Variants in SLC23A2 observed in about 807,000 individuals in gnomAD.
SLC23A2 encodes the protein Na(+)/L-ascorbic acid transporter 2.
In SLC23A2, 36 loss-of-function variants were observed where a neutral mutation model predicts 73.3. The observed-to-expected ratio is 0.49, with a 90% CI of 0.38 to 0.65. SLC23A2 has a LOEUF of 0.65. Ranked by LOEUF, SLC23A2 falls within the 30% of genes least tolerant of loss-of-function variation. The pLI is 0.00. For synonymous variants in SLC23A2, 343 were observed against 327.3 expected (o/e 1.05, Z -0.52); for missense variants, 507 against 841.6 (o/e 0.60, Z 4.92).
intron 1 of SLC23A2, among the ~76,000 whole-genome samples, chr20:5,006,949 G>A (rs2088198057): frequency 5.5e-5 from 1 of 18,270 alleles, no homozygotes; most frequent in Admixed American, 4.1e-4. Context: ...CTGAAATGAC[G>A]TGTGTGTGTG....
chr20:4,906,677 T>A (rs1931969009), intron 4 of SLC23A2, among the ~76,000 whole-genome samples: 1 of 152,078 alleles, frequency 6.6e-6, no homozygotes, highest in Non-Finnish European at 1.5e-5. Context: ...AAAGATCAAT[T>A]TCATTATTCT....
intron 2 of SLC23A2, among the ~76,000 whole-genome samples, chr20:4,962,912 G>A (rs551670102): frequency 2.0e-5 from 3 of 152,210 alleles, no homozygotes; most frequent in Admixed American, 6.5e-5. Context: ...CAGGAGAATC[G>A]CTTAGAACCA....
At position 4,999,556 on chromosome 20, in the gene SLC23A2, A is replaced by AT. The variant is rs11475838; in HGVS notation, c.-282+1849dup. Among the ~76,000 whole-genome samples, 461 of 143,704 alleles carry AT rather than the reference A, an allele frequency of 3.2e-3. 3 individuals are homozygous for AT. The highest frequency in any genetic ancestry group is 5.9e-3 in the African/African-American group (231 of 39,110). 94.3% of individuals were successfully genotyped at this position (143,704 alleles called of 152,430 possible). On this transcript the variant is annotated intron_variant, in intron 1 of 16. Transcript: ENST00000338244. ...TTTAAGCTGGCCGCCATACTCAGCT[A>AT]TTTTTTTTTTTTTTTTATAGAAACA...
chr20:4,909,549 A>C (rs997817186), intron 4 of SLC23A2, among the ~76,000 whole-genome samples: 3 of 152,148 alleles, frequency 2.0e-5, no homozygotes, highest in East Asian at 1.9e-4. Context: ...ACAGGGATCA[A>C]GTCAGAAAAG....
In SLC23A2 at chr20:4,854,250, G is replaced by A. The variant is rs1929630938; in HGVS notation, c.*2722C>T. 1.3e-5 allele frequency: 2 copies of A among 152,236 alleles called. No homozygotes were observed. Among genetic ancestry groups the A allele is most frequent in the African/African-American group, 2.4e-5 (1 of 41,462 alleles). The allele number at this position is 152,236 out of a possible 1,614,324, so 9.4% of individuals were successfully genotyped here. On this transcript the variant is annotated 3_prime_UTR_variant, in exon 17 of 17. Transcript: ENST00000338244. The stretch of plus-strand genomic sequence containing the variant: ...TGGGAAGTGTCATGACACAGACCGC[G>A]AGTGGCCACCGTGTCCCCCAATATC...
At chr20:4,874,788 T>G in intron 9 of SLC23A2, 92 bp from the exon 10 acceptor site, 1 of 1,068,792 alleles carries the variant, frequency 9.4e-7, no homozygotes, top group East Asian at 2.5e-5. Flanking sequence ...ATTGACATAG[T>G]GTTCAATTCA....
intron 2 of SLC23A2, among the ~76,000 whole-genome samples, chr20:4,934,085 TGA>T (rs2086920440): frequency 1.3e-5 from 2 of 152,350 alleles, no homozygotes; most frequent in East Asian, 3.9e-4. Context: ...TGAAGTTCCA[TGA>T]GTGGAATACG....
intron 7 of SLC23A2, among the ~76,000 whole-genome samples, 165 bp downstream of exon 7, chr20:4,885,656 A>G (rs1931068300): frequency 6.6e-6 from 1 of 152,202 alleles, no homozygotes; most frequent in Admixed American, 6.5e-5. Flanking sequence ...AAAGAGAGAG[A>G]CAGACACGAT....
At chr20:4,870,307 G>A (rs993165244) in intron 11 of SLC23A2, among the ~76,000 whole-genome samples, 9 of 152,134 alleles carry the variant, frequency 5.9e-5, no homozygotes, top group African/African-American at 2.2e-4. Context: ...AGCCGGATGC[G>A]GTGGCTCACG....
rs1930037335 is a variant in SLC23A2, at chr20:4,862,964, T to C, written c.1357-57A>G. The C allele has an allele frequency of 3.8e-6, 6 of 1,560,520 alleles. No individual in the cohort carries two copies. The highest frequency in any genetic ancestry group is 1.7e-5 in the Admixed American group (1 of 57,856). On this transcript the variant is annotated intron_variant, in intron 13 of 16. Transcript: ENST00000338244. This position sits in a 1 kb window ranked among gnomAD's most constrained non-coding sequence, Gnocchi z 5.1. ...GACTCATCTCCATGCAAAATCACCG[T>C]AAGTTACTAAAGAACACACAGCAGA...
rs1930038379 is a variant in SLC23A2, at chr20:4,862,982, A to C, written c.1357-75T>G. On this transcript the variant is annotated intron_variant, in intron 13 of 16. Transcript: ENST00000338244. The surrounding 1 kb of genome is among the most constrained non-coding windows in gnomAD (Gnocchi z 5.1). Reference sequence around the variant, plus strand: ...ATCACCGTAAGTTACTAAAGAACACACAGCAGAGATACCCATGGCCTGGCT... The same window carrying C: ...ATCACCGTAAGTTACTAAAGAACACCCAGCAGAGATACCCATGGCCTGGCT... 6.8e-7 allele frequency: 1 copy of C among 1,477,816 alleles called. No individual in the cohort carries two copies. The allele number at this position is 1,477,816 out of a possible 1,614,324, so 91.5% of individuals were successfully genotyped here.
At chr20:4,860,877 C>T (rs1414361599) in intron 15 of SLC23A2, among the ~76,000 whole-genome samples, 1 of 152,160 alleles carries the variant, frequency 6.6e-6, no homozygotes, top group African/African-American at 2.4e-5. Context: ...CCCGTCTCTA[C>T]TAAAAATACA....
Position 4,857,158 on chromosome 20 carries a change from G to T in SLC23A2, c.1767C>A (p.Gly589=), listed in dbSNP as rs1326341976. The T allele has an allele frequency of 1.9e-6, 3 of 1,612,738 alleles. No individual in the cohort carries two copies. The highest frequency in any genetic ancestry group is 1.1e-5 in the South Asian group (1 of 91,014). Residue 589 remains glycine, a synonymous_variant, in exon 17 of 17, where the codon GGC becomes GGA. Coordinates refer to ENST00000338244, the MANE Select transcript of SLC23A2 (RefSeq NM_005116.6). The surrounding 1 kb of genome is among the most constrained non-coding windows in gnomAD (Gnocchi z 4.0). ...TGCCGTCGAGTGATTTGTTCCCTTT[G>T]CCCACACCCTTCTTCCATTTCCGGA... is the stretch of plus-strand genomic sequence containing the variant. ...RGIRKWKKGV[G]KGNKSLDGME...
At chr20:4,882,727 C>A (rs975832106) in intron 9 of SLC23A2, among the ~76,000 whole-genome samples, 1 of 152,162 alleles carries the variant, frequency 6.6e-6, no homozygotes, top group Non-Finnish European at 1.5e-5. Context: ...TGTGCCTTAT[C>A]TGATACTATA....
chr20:4,881,575 G>T (rs1202505026), intron 9 of SLC23A2, among the ~76,000 whole-genome samples: 1 of 152,192 alleles, frequency 6.6e-6, no homozygotes, highest in Non-Finnish European at 1.5e-5. Flanking sequence ...TTTGCCAGAA[G>T]TTTGTCTACA....
intron 15 of SLC23A2, 125 bp downstream of exon 15, chr20:4,861,823 C>G (rs1929976963): frequency 4.3e-6 from 4 of 925,200 alleles, no homozygotes; most frequent in Non-Finnish European, 6.7e-6. Flanking sequence ...CAAGAGAGAT[C>G]CACAGACGCA....
chr20:4,877,732 A>G (rs1179892541), intron 9 of SLC23A2, among the ~76,000 whole-genome samples: 2 of 152,210 alleles, frequency 1.3e-5, no homozygotes, highest in African/African-American at 2.4e-5. Context: ...AGTGCCTGGT[A>G]TTGACACATG....
At chr20:5,006,948 CGTGTGTGTGTGT>C (rs375441910) in intron 1 of SLC23A2, among the ~76,000 whole-genome samples, 6 of 148,016 alleles carry the variant, frequency 4.1e-5, no homozygotes, top group Non-Finnish European at 7.5e-5. Context: ...CCTGAAATGA[CGTGTGTGTGTGT>C]GTGTGTGTGT....
intron 3 of SLC23A2, among the ~76,000 whole-genome samples, chr20:4,924,796 C>T (rs1001118523): frequency 1.3e-5 from 2 of 152,252 alleles, no homozygotes; most frequent in African/African-American, 4.8e-5. Flanking sequence ...AGCATCCATA[C>T]CTCTACCTTA....
Sources: gnomAD v4.1 joint callset for allele counts (sites outside exome capture counted in the v4.1 genomes callset) on GRCh38, gnomAD v4.1.1 for gene constraint, Gnocchi (gnomAD v3.1) non-coding constraint, MANE v1.5 for transcripts, NCBI Gene and HGNC (gene_info 2026-07-23, HGNC 2026-07-21) for gene names.